Variants in CSGALNACT1 observed in about 807,000 individuals in gnomAD.
CSGALNACT1 encodes the protein beta4GalNAcT-1.
In CSGALNACT1, 52 loss-of-function variants were observed where a neutral mutation model predicts 51.0. That is an observed-to-expected ratio of 1.02 (90% CI 0.82 to 1.29). The LOEUF (loss-of-function observed/expected upper bound fraction) is 1.29. Among genes scored for constraint, CSGALNACT1 ranks in the 50% most tolerant of loss-of-function variants. The pLI is 0.00. For missense variants in CSGALNACT1, 935 were observed against 679.2 expected (o/e 1.38, Z -4.19); for synonymous variants, 341 against 254.4 (o/e 1.34, Z -3.24).
chr8:19,590,339 A>G lies in CSGALNACT1; in HGVS notation c.-297+821T>C, dbSNP rs189244522. On this transcript the variant is annotated intron_variant, in intron 3 of 9. Coordinates refer to ENST00000454498, the Ensembl canonical transcript of CSGALNACT1. ...CAGAACGTAGTAATAGTAGACATCT[A>G]TTGGACATCATACAGTCAACATTAG... 9.8e-5 allele frequency among the ~76,000 whole-genome samples: 15 copies of G among 152,364 alleles called. No individual in the cohort carries two copies. The South Asian group carries it at 1.0e-3, about 11-fold the overall frequency.
intron 5 of CSGALNACT1, chr8:19,457,831 C>A (rs1048796288): frequency 7.4e-7 from 1 of 1,349,354 alleles, no homozygotes; most frequent in African/African-American, 1.5e-5. Context: ...AAAATGAAAC[C>A]CAGCTTAGTC....
At chr8:19,527,563 T>C (rs560937686) in intron 3 of CSGALNACT1, among the ~76,000 whole-genome samples, 3 of 152,232 alleles carry the variant, frequency 2.0e-5, no homozygotes, top group South Asian at 4.1e-4. Flanking sequence ...TGAGCTGAGA[T>C]CGTGCCACTG....
At chr8:19,594,720 T>TA (rs2048532814) in intron 2 of CSGALNACT1, among the ~76,000 whole-genome samples, 1 of 152,050 alleles carries the variant, frequency 6.6e-6, no homozygotes, top group South Asian at 2.1e-4. Flanking sequence ...ATTTTTTTTT[T>TA]TTTTTATTTT....
chr8:19,580,953 GCA>G (rs1221538295), intron 3 of CSGALNACT1, among the ~76,000 whole-genome samples: 1 of 152,102 alleles, frequency 6.6e-6, no homozygotes, highest in East Asian at 1.9e-4. Context: ...CTAATCAGAA[GCA>G]CAGAGAGAAA....
intron 4 of CSGALNACT1, among the ~76,000 whole-genome samples, chr8:19,464,496 T>A (rs1036050471): frequency 3.3e-5 from 5 of 152,106 alleles, no homozygotes; most frequent in Admixed American, 6.5e-5. Context: ...TGGGCACCAA[T>A]CAAGCTGGTT....
At chr8:19,543,447 G>A (rs1220143133) in intron 3 of CSGALNACT1, among the ~76,000 whole-genome samples, 2 of 152,236 alleles carry the variant, frequency 1.3e-5, no homozygotes, top group Non-Finnish European at 2.9e-5. Context: ...TGATAAGGTT[G>A]TTTTGCTGTG....
At chr8:19,512,173 C>A (rs1472984411) in intron 3 of CSGALNACT1, among the ~76,000 whole-genome samples, 1 of 152,202 alleles carries the variant, frequency 6.6e-6, no homozygotes, top group African/African-American at 2.4e-5. Context: ...CTCTCCCAAG[C>A]AAGCTGCTGT....
chr8:19,410,756 T>C (rs1186081535), intron 8 of CSGALNACT1, among the ~76,000 whole-genome samples: 1 of 152,178 alleles, frequency 6.6e-6, no homozygotes, highest in African/African-American at 2.4e-5. Context: ...AGTTTGGAAG[T>C]TGGCAAGCCA....
chr8:19,546,310 C>G (rs2086452824), intron 3 of CSGALNACT1, among the ~76,000 whole-genome samples: 1 of 152,146 alleles, frequency 6.6e-6, no homozygotes, highest in South Asian at 2.1e-4. Context: ...GGCTGTGCTT[C>G]AATATTACGG....
chr8:19,533,433 CTAATT>C lies in CSGALNACT1; in HGVS notation c.-296-27308_-296-27304del, dbSNP rs558294856. Among the ~76,000 whole-genome samples, 805 of 151,986 alleles carry C rather than the reference CTAATT, an allele frequency of 5.3e-3. 6 individuals carry two copies. The highest frequency in any genetic ancestry group is 0.019 in the African/African-American group (774 of 41,442). On this transcript the variant is annotated intron_variant, in intron 3 of 9. Transcript: ENST00000454498. ...CATGAGTCCCTATTTTTAATTTATCCTAATTTAATTTAATTTCCCTATTTTTAATT... is the reference window on the plus strand; with the variant it reads ...CATGAGTCCCTATTTTTAATTTATCCTAATTTAATTTCCCTATTTTTAATT...
At chr8:19,447,367 A>T (rs2062320784) in intron 5 of CSGALNACT1, among the ~76,000 whole-genome samples, 1 of 152,186 alleles carries the variant, frequency 6.6e-6, no homozygotes, top group East Asian at 1.9e-4. Flanking sequence ...GCTGTGGGGA[A>T]GGACTGTTCA....
chr8:19,640,952 G>A (rs555127438), intron 1 of CSGALNACT1, among the ~76,000 whole-genome samples: 1 of 151,882 alleles, frequency 6.6e-6, no homozygotes, highest in East Asian at 1.9e-4. Context: ...TAAGACAGAG[G>A]AATGAAACCA....
chr8:19,750,135 A>C (rs3802327), intron 1 of CSGALNACT1, among the ~76,000 whole-genome samples: 23,233 of 152,134 alleles, frequency 0.15, 1,897 homozygotes, highest in Middle Eastern at 0.27. Context: ...ATGAGACCTG[A>C]GTTCTTGACT....
rs1017586744 is a variant in CSGALNACT1 at position 19,609,473 on chromosome 8, A to C, written c.-543-7608T>G. Among the ~76,000 whole-genome samples, 11 of 151,942 alleles carry C rather than the reference A, an allele frequency of 7.2e-5. No individual in the cohort carries two copies. The East Asian group carries it at 1.9e-3, about 27-fold the overall frequency. On this transcript the variant is annotated intron_variant, in intron 1 of 9. Coordinates refer to the CSGALNACT1 transcript ENST00000332246. ...ATAGCCAGGTAAGCAAGACAAGGAT[A>C]AACAGTTAACAAAGAAAACATCATT... is the stretch of plus-strand genomic sequence containing the variant.
chr8:19,588,490 C>A (rs889349192), intron 3 of CSGALNACT1, among the ~76,000 whole-genome samples: 1 of 152,154 alleles, frequency 6.6e-6, no homozygotes, highest in Non-Finnish European at 1.5e-5. Flanking sequence ...ATACTGATTA[C>A]CTAAATGTAA....
chr8:19,660,161 C>G (rs1363953406), intron 1 of CSGALNACT1, among the ~76,000 whole-genome samples: 1 of 152,192 alleles, frequency 6.6e-6, no homozygotes, highest in African/African-American at 2.4e-5. Flanking sequence ...TCCACAATTC[C>G]ATACCCACAT....
At chr8:19,487,991 C>T (rs976864169) in intron 4 of CSGALNACT1, among the ~76,000 whole-genome samples, 1 of 152,126 alleles carries the variant, frequency 6.6e-6, no homozygotes, top group Non-Finnish European at 1.5e-5. Context: ...CCTCTCACCT[C>T]ACATACTGTA....
intron 1 of CSGALNACT1, among the ~76,000 whole-genome samples, chr8:19,682,293 G>A (rs1451733407): frequency 6.6e-6 from 1 of 152,090 alleles, no homozygotes; most frequent in African/African-American, 2.4e-5. Context: ...CCTGCTTTGG[G>A]CCGCTAGGCA....
intron 1 of CSGALNACT1, among the ~76,000 whole-genome samples, chr8:19,667,047 GA>G (rs1254825687): frequency 2.2e-4 from 18 of 83,284 alleles, no homozygotes; most frequent in East Asian, 4.1e-4. Context: ...AAGGAAGAAA[GA>G]AAGAAAGAAA....
Sources: gnomAD v4.1 joint callset for allele counts (sites outside exome capture counted in the v4.1 genomes callset) on GRCh38, gnomAD v4.1.1 for gene constraint, MANE v1.5 for transcripts, NCBI Gene and HGNC (gene_info 2026-07-23, HGNC 2026-07-21) for gene names.